CSMD3: variants seen among roughly 807,000 people sequenced by gnomAD.
The protein encoded by CSMD3 is CUB and sushi domain-containing protein 3.
A neutral mutation model predicts 435.2 loss-of-function variants in CSMD3; 177 were observed. That is an observed-to-expected ratio of 0.41 (90% confidence interval 0.36 to 0.46). The LOEUF is 0.46. Among genes scored for constraint, CSMD3 ranks in the 20% least tolerant of loss-of-function variants. The pLI, the probability that CSMD3 is intolerant of heterozygous loss-of-function variation, is 0.34. For synonymous variants in CSMD3, 1,656 were observed against 1,520.5 expected, an observed-to-expected ratio of 1.09 and a Z score of -2.07; for missense variants, 4,265 against 4,504.6, an observed-to-expected ratio of 0.95 and a Z score of 1.52.
chr8:112,636,784 C>T (rs923540503), intron 22 of CSMD3, 33 bp downstream of exon 22: 4 of 1,571,484 alleles, frequency 2.5e-6, no homozygotes, highest in Non-Finnish European at 3.5e-6. Flanking sequence ...AGTGACTACA[C>T]ATACAAGCAA....
intron 38 of CSMD3, among the ~76,000 whole-genome samples, chr8:112,376,317 ATT>A (rs1220968106): frequency 6.6e-6 from 1 of 152,130 alleles, no homozygotes; most frequent in Admixed American, 6.6e-5. Context: ...TGTTCAAAAT[ATT>A]TGCTGGTTGA....
In CSMD3 at chr8:113,423,033, A is replaced by T. The variant is rs568266238; in HGVS notation, c.178+13644T>A. Among the ~76,000 whole-genome samples the T allele has an allele frequency of 2.8e-3, 428 of 152,222 alleles. 2 individuals carry two copies. Among genetic ancestry groups the T allele is most frequent in the African/African-American group, 9.8e-3 (408 of 41,580 alleles). ...TACTTATGTTTCATATACATAATAT[A>T]TAAATAGCCTGAATATAATTGTTTA... On this transcript the variant is annotated intron_variant, in intron 1 of 70. Transcript: ENST00000297405.
chr8:112,947,381 G>C (rs1015156971), intron 9 of CSMD3, among the ~76,000 whole-genome samples: 1 of 151,582 alleles, frequency 6.6e-6, no homozygotes, highest in Non-Finnish European at 1.5e-5. Flanking sequence ...GGTTTTACAG[G>C]AATTGCCTCA....
intron 5 of CSMD3, among the ~76,000 whole-genome samples, chr8:113,055,284 G>A (rs1420237601): frequency 1.3e-5 from 2 of 152,008 alleles, no homozygotes; most frequent in African/African-American, 4.8e-5. Flanking sequence ...TGAGTAGCTG[G>A]GATTACAGAC....
intron 28 of CSMD3, among the ~76,000 whole-genome samples, chr8:112,515,601 T>C (rs1823589322): frequency 6.6e-6 from 1 of 152,092 alleles, no homozygotes. Flanking sequence ...TGAAGAACAA[T>C]ATGGGTGTGA....
chr8:112,364,092 C>T (rs1439466518), intron 38 of CSMD3, among the ~76,000 whole-genome samples: 1 of 151,992 alleles, frequency 6.6e-6, no homozygotes, highest in Non-Finnish European at 1.5e-5. Context: ...TGCATTATCT[C>T]TTAAGCATAT....
chr8:113,212,892 A>ATAT (rs2092855154), intron 3 of CSMD3, among the ~76,000 whole-genome samples: 1 of 145,606 alleles, frequency 6.9e-6, no homozygotes. Flanking sequence ...TATAATAAAA[A>ATAT]ATATATATAT....
intron 59 of CSMD3, among the ~76,000 whole-genome samples, chr8:112,274,297 G>C (rs1334916834): frequency 4.6e-5 from 7 of 152,030 alleles, no homozygotes. Context: ...TGAGTGACAG[G>C]AAACAAATTA....
intron 38 of CSMD3, among the ~76,000 whole-genome samples, chr8:112,373,805 G>T (rs948234307): frequency 4.6e-5 from 7 of 152,140 alleles, no homozygotes; most frequent in African/African-American, 1.7e-4. Context: ...AATCGATGTG[G>T]TGCTTGGGTA....
chr8:113,143,309 C>A (rs1211273959), intron 4 of CSMD3, among the ~76,000 whole-genome samples: 2 of 151,144 alleles, frequency 1.3e-5, no homozygotes, highest in South Asian at 4.1e-4. Flanking sequence ...AATAAAAAAA[C>A]AGTAATGCCT....
intron 59 of CSMD3, among the ~76,000 whole-genome samples, chr8:112,274,077 G>A (rs1817791716): frequency 6.6e-6 from 1 of 152,054 alleles, no homozygotes; most frequent in Non-Finnish European, 1.5e-5. Flanking sequence ...AAAGGCTACG[G>A]TGGGATAGTG....
chr8:112,604,412 G>A (rs536747295), intron 22 of CSMD3, among the ~76,000 whole-genome samples: 17 of 152,118 alleles, frequency 1.1e-4, no homozygotes, highest in South Asian at 2.1e-4. Flanking sequence ...TGAAAACAGC[G>A]TGGTACTGAT....
At chr8:113,396,559 G>A (rs2094484419) in intron 1 of CSMD3, among the ~76,000 whole-genome samples, 2 of 152,068 alleles carry the variant, frequency 1.3e-5, no homozygotes, top group African/African-American at 4.8e-5. Context: ...ATTGACTAGT[G>A]AATAAATTTG....
intron 22 of CSMD3, among the ~76,000 whole-genome samples, chr8:112,622,185 AG>A (rs1295186621): frequency 6.6e-6 from 1 of 152,188 alleles, no homozygotes; most frequent in Non-Finnish European, 1.5e-5. Flanking sequence ...AAACAAATTA[AG>A]GAGTATGTAA....
chr8:112,318,961 A>G lies in CSMD3; in HGVS notation c.7247-11T>C. On this transcript the variant is annotated splice_polypyrimidine_tract_variant and intron_variant, in intron 46 of 70. Transcript: ENST00000297405. Reference sequence around the variant, plus strand: ...ACCTAATAATATCACCTATTAAACAAAAGAGGGGAGGTTTCATATAAGCAA... The same window carrying G: ...ACCTAATAATATCACCTATTAAACAGAAGAGGGGAGGTTTCATATAAGCAA... 6.8e-7 allele frequency: 1 copy of G among 1,477,360 alleles called. No individual in the cohort carries two copies. Among genetic ancestry groups the G allele is most frequent in the Non-Finnish European group, 9.5e-7 (1 of 1,057,952 alleles). The allele number at this position is 1,477,360 out of a possible 1,614,324, so 91.5% of individuals were successfully genotyped here.
chr8:112,685,631 A>C lies in CSMD3; in HGVS notation c.2257T>G (p.Ser753Ala), dbSNP rs2075994097. 6.2e-7 allele frequency: 1 copy of C among 1,613,466 alleles called. No individual in the cohort carries two copies. Among genetic ancestry groups the C allele is most frequent in the Non-Finnish European group, 8.5e-7 (1 of 1,179,550 alleles). Reference protein sequence around the residue: ...NNLNCIWTIISDPGSRIHLSF... With the variant: ...NNLNCIWTIIADPGSRIHLSF... ...AGATGTATCCGGCTCCCTGGATCAG[A>C]GATTATCGTCCAGATGCAATTTAAA... Residue 753 changes from serine (S) to alanine (A), a missense_variant, in exon 15 of 71, where the codon TCT (serine) becomes GCT (alanine). Ser to Ala is a moderately conservative substitution (Grantham distance 99). Transcript: ENST00000297405.
At chr8:112,746,832 G>A (rs1043623941) in intron 13 of CSMD3, among the ~76,000 whole-genome samples, 1 of 152,008 alleles carries the variant, frequency 6.6e-6, no homozygotes, top group Admixed American at 6.6e-5. Context: ...GAGAGAAAAA[G>A]ACTTGGAAGG....
chr8:112,777,635 C>T (rs932024282), intron 13 of CSMD3, among the ~76,000 whole-genome samples: 1 of 151,740 alleles, frequency 6.6e-6, no homozygotes, highest in Non-Finnish European at 1.5e-5. Context: ...TTGGTGACCA[C>T]GACTGAATTA....
intron 4 of CSMD3, among the ~76,000 whole-genome samples, chr8:113,170,293 GA>G (rs5894128): frequency 0.68 from 103,476 of 151,914 alleles, 37,060 homozygotes; most frequent in East Asian, 0.95. Context: ...AAGTTTTAAT[GA>G]AAAAAATTGG....
Sources: allele counts gnomAD v4.1 joint callset (sites outside exome capture counted in the v4.1 genomes callset), GRCh38; gene constraint gnomAD v4.1.1; transcripts MANE v1.5; gene names NCBI Gene and HGNC (gene_info 2026-07-23, HGNC 2026-07-21).